Variants in LRP6 observed in about 807,000 individuals in gnomAD.
The protein encoded by LRP6 is LDL receptor related protein 6, also known as low-density lipoprotein receptor-related protein 6.
LRP6 carries 43 observed loss-of-function variants against 184.1 expected under a neutral mutation model. The observed-to-expected ratio is 0.23, with a 90% CI of 0.18 to 0.30. The LOEUF (loss-of-function observed/expected upper bound fraction) is 0.30, where lower values mean the gene tolerates loss of function less well. Ranked by LOEUF, LRP6 falls within the 10% of genes least tolerant of loss-of-function variation. LRP6 has a pLI of 1.00. For synonymous variants in LRP6, 719 were observed against 684.9 expected (o/e 1.05, Z -0.78); for missense variants, 1,571 against 2,005.3 (o/e 0.78, Z 4.14).
rs150432884 is a variant in LRP6, at chr12:12,171,532, A to AAAAT, written c.1546-6241_1546-6238dup. ...GTGAAACTCAGTCTCAAAAAAAAAT[A>AAAAT]AAATAAATAAATAAATAAATAAATA... is the stretch of plus-strand genomic sequence containing the variant. On this transcript the variant is annotated intron_variant, in intron 7 of 22. Coordinates refer to ENST00000261349, the MANE Select transcript of LRP6 (RefSeq NM_002336.3). Among the ~76,000 whole-genome samples, 1,016 of 147,418 alleles carry AAAAT rather than the reference A, an allele frequency of 6.9e-3. 6 individuals carry two copies. The highest frequency in any genetic ancestry group is 0.019 in the African/African-American group (781 of 40,128).
intron 1 of LRP6, among the ~76,000 whole-genome samples, chr12:12,257,779 C>CAAAAAAAA (rs1163180718): frequency 0.011 from 386 of 35,278 alleles, 48 homozygotes; most frequent in Non-Finnish European, 0.014. Context: ...CCTGTCTCTA[C>CAAAAAAAA]AAAAAAAAAA....
intron 2 of LRP6, among the ~76,000 whole-genome samples, chr12:12,220,973 T>C (rs1400619095): frequency 2.0e-5 from 3 of 152,202 alleles, no homozygotes; most frequent in Non-Finnish European, 4.4e-5. Flanking sequence ...CTTCAACCCT[T>C]GCTCTGACAA....
Position 12,216,570 on chromosome 12 carries a change from T to C in LRP6, c.450-13170A>G, listed in dbSNP as rs1864350061. Among the ~76,000 whole-genome samples, 4 of 151,864 alleles carry C rather than the reference T, an allele frequency of 2.6e-5. No individual in the cohort carries two copies. In the South Asian group the frequency reaches 8.3e-4, roughly 32 times the overall value. On this transcript the variant is annotated intron_variant, in intron 2 of 22. Transcript: ENST00000261349. ...TCAGGATTTTTAGTTTCTGCAACCGTTAGGTAGAATGACAGTTGTTCACAA... is the reference window on the plus strand; with the variant it reads ...TCAGGATTTTTAGTTTCTGCAACCGCTAGGTAGAATGACAGTTGTTCACAA...
chr12:12,246,331 T>C (rs1281882215), intron 1 of LRP6, among the ~76,000 whole-genome samples: 1 of 151,998 alleles, frequency 6.6e-6, no homozygotes, highest in Non-Finnish European at 1.5e-5. Flanking sequence ...TCTTAATTCA[T>C]TCCAATTTAT....
At chr12:12,212,839 G>A (rs1017448551) in intron 2 of LRP6, among the ~76,000 whole-genome samples, 3 of 152,074 alleles carry the variant, frequency 2.0e-5, no homozygotes, top group Non-Finnish European at 2.9e-5. Flanking sequence ...ATTAGTTTCT[G>A]AGGAAAATTT....
intron 2 of LRP6, among the ~76,000 whole-genome samples, chr12:12,213,602 C>T (rs1465167979): frequency 6.6e-6 from 1 of 152,014 alleles, no homozygotes; most frequent in South Asian, 2.1e-4. Flanking sequence ...TAAACATTCA[C>T]GTTTTCATTT....
At chr12:12,257,834 G>A (rs1363536702) in intron 1 of LRP6, among the ~76,000 whole-genome samples, 1 of 138,126 alleles carries the variant, frequency 7.2e-6, no homozygotes, top group Non-Finnish European at 1.5e-5. Context: ...GGGCGTGGTA[G>A]CACGTGCCTA....
intron 16 of LRP6, among the ~76,000 whole-genome samples, chr12:12,136,922 G>A (rs904437992): frequency 2.0e-5 from 3 of 152,036 alleles, no homozygotes; most frequent in African/African-American, 7.2e-5. Flanking sequence ...TGAAAATCTT[G>A]AGATTTTCTG....
chr12:12,265,759 A>G (rs1462609707), intron 1 of LRP6, among the ~76,000 whole-genome samples: 1 of 152,222 alleles, frequency 6.6e-6, no homozygotes, highest in East Asian at 1.9e-4. Context: ...GGGCCAGTCA[A>G]AAATCTTTGT....
At chr12:12,189,020 G>GA (rs1296877304) in intron 3 of LRP6, among the ~76,000 whole-genome samples, 4 of 151,380 alleles carry the variant, frequency 2.6e-5, no homozygotes, top group Non-Finnish European at 4.4e-5. Context: ...AAAACTCAAG[G>GA]AAAAAAAAGG....
chr12:12,203,748 C>A (rs536674987), intron 2 of LRP6, among the ~76,000 whole-genome samples: 1 of 152,214 alleles, frequency 6.6e-6, no homozygotes, highest in South Asian at 2.1e-4. Flanking sequence ...AGCCTGGCAA[C>A]AGAGCAAGTC....
intron 1 of LRP6, chr12:12,249,289 G>A: frequency 9.0e-7 from 1 of 1,111,826 alleles, no homozygotes; most frequent in Non-Finnish European, 1.4e-6. Flanking sequence ...TGGATTGGTG[G>A]ACCCAAGAGC....
intron 2 of LRP6, among the ~76,000 whole-genome samples, chr12:12,209,654 G>A (rs975367096): frequency 9.9e-5 from 15 of 152,092 alleles, no homozygotes; most frequent in Non-Finnish European, 1.2e-4. Context: ...CCGAAAAAGC[G>A]ATTAGGACAC....
Position 12,164,497 on chromosome 12 carries a change from G to A in LRP6, c.1828C>T (p.Leu610Phe), listed in dbSNP as rs755908270. 2.5e-6 allele frequency: 4 copies of A among 1,614,158 alleles called. No homozygotes were observed. In the South Asian group the frequency reaches 3.3e-5, roughly 13 times the overall value. Residue 610 changes from leucine to phenylalanine, a missense_variant, in exon 9 of 23, where the codon CTT (leucine) becomes TTT (phenylalanine). Physicochemically the swap from Leu to Phe is conservative, Grantham distance 22 (BLOSUM62 0). Coordinates refer to ENST00000261349, the MANE Select transcript of LRP6 (RefSeq NM_002336.3). ...AAGCCAATAGGGCAAGCACAGCGAA[G>A]GCCCTGAGGTCTATAGAGGCAGAGA... ...SHLCLYRPQG[L>F]RCACPIGFEL...
intron 1 of LRP6, among the ~76,000 whole-genome samples, chr12:12,254,158 A>AG (rs1310309425): frequency 2.7e-5 from 4 of 149,812 alleles, no homozygotes; most frequent in Non-Finnish European, 3.0e-5. Flanking sequence ...AAAAAAAAAA[A>AG]AAAAAAAGAA....
At chr12:12,216,656 A>AC (rs1864353892) in intron 2 of LRP6, among the ~76,000 whole-genome samples, 1 of 118,396 alleles carries the variant, frequency 8.4e-6, no homozygotes, top group Non-Finnish European at 2.0e-5. Context: ...CTTAAAATTT[A>AC]AAAAAAAAAA....
chr12:12,127,968 G>C (rs1949696667), intron 19 of LRP6, among the ~76,000 whole-genome samples: 1 of 152,092 alleles, frequency 6.6e-6, no homozygotes, highest in South Asian at 2.1e-4. Context: ...TAGTCCTTGA[G>C]AACAACCGTC....
intron 2 of LRP6, among the ~76,000 whole-genome samples, chr12:12,217,728 C>A (rs1864385111): frequency 6.6e-6 from 1 of 152,004 alleles, no homozygotes; most frequent in Admixed American, 6.6e-5. Context: ...CAAAAATAAA[C>A]CCTTATATTT....
chr12:12,127,046 CTT>C, intron 19 of LRP6, 125 bp from the exon 20 acceptor site: 1 of 822,600 alleles, frequency 1.2e-6, no homozygotes, highest in East Asian at 2.6e-5. Context: ...TTCATAAACA[CTT>C]TTCTTTTTTA....
Sources: gnomAD v4.1 joint callset for allele counts (sites outside exome capture counted in the v4.1 genomes callset) on GRCh38, gnomAD v4.1.1 for gene constraint, MANE v1.5 for transcripts, NCBI Gene and HGNC (gene_info 2026-07-23, HGNC 2026-07-21) for gene names.